SORCS3: variants seen among roughly 807,000 people sequenced by gnomAD.
SORCS3 encodes the protein VPS10 domain-containing receptor SorCS3.
A neutral mutation model predicts 146.3 loss-of-function variants in SORCS3; 57 were observed. The observed-to-expected ratio is 0.39, with a 90% CI of 0.31 to 0.49. The LOEUF is 0.49. Ranked by LOEUF, SORCS3 falls within the 20% of genes least tolerant of loss-of-function variation. The pLI is 0.92. For missense variants in SORCS3, 1,341 were observed against 1,575.5 expected (o/e 0.85, Z 2.52); for synonymous variants, 653 against 618.5 (o/e 1.06, Z -0.83).
intron 2 of SORCS3, among the ~76,000 whole-genome samples, chr10:104,882,975 A>G (rs549400070): frequency 6.6e-6 from 1 of 152,234 alleles, no homozygotes; most frequent in Non-Finnish European, 1.5e-5. Flanking sequence ...GGAGACTAAC[A>G]TTATGGAATC....
chr10:104,805,075 A>T (rs185287367), intron 1 of SORCS3, among the ~76,000 whole-genome samples: 1 of 152,206 alleles, frequency 6.6e-6, no homozygotes, highest in Non-Finnish European at 1.5e-5. Flanking sequence ...CTCACACATA[A>T]TGAACACCCA....
intron 4 of SORCS3, among the ~76,000 whole-genome samples, chr10:104,992,911 G>GT (rs796300866): frequency 9.6e-4 from 144 of 149,450 alleles, no homozygotes; most frequent in African/African-American, 3.0e-3. Flanking sequence ...TATTAGGTAT[G>GT]TTTTTTTTTT....
chr10:104,739,976 T>A (rs189366404), intron 1 of SORCS3, among the ~76,000 whole-genome samples: 8 of 152,344 alleles, frequency 5.3e-5, no homozygotes, highest in Admixed American at 5.2e-4. Flanking sequence ...AGATATGGTA[T>A]GTTTAATGGT....
At chr10:105,226,149 G>A (rs2056732799) in intron 20 of SORCS3, among the ~76,000 whole-genome samples, 1 of 151,974 alleles carries the variant, frequency 6.6e-6, no homozygotes, top group African/African-American at 2.4e-5. Flanking sequence ...GGCTTTAAAG[G>A]AAAGGCTTTC....
chr10:104,998,384 G>T (rs1332756428), intron 4 of SORCS3, among the ~76,000 whole-genome samples: 1 of 152,078 alleles, frequency 6.6e-6, no homozygotes, highest in East Asian at 1.9e-4. Context: ...AAATTATACA[G>T]ATGTGCTAAG....
At chr10:104,992,805 C>T (rs2055002532) in intron 4 of SORCS3, among the ~76,000 whole-genome samples, 1 of 152,144 alleles carries the variant, frequency 6.6e-6, no homozygotes, top group Non-Finnish European at 1.5e-5. Context: ...CTGGAGAAAG[C>T]TTTGCCTAGA....
chr10:104,750,343 C>T (rs540061675), intron 1 of SORCS3, among the ~76,000 whole-genome samples: 39 of 152,272 alleles, frequency 2.6e-4, no homozygotes, highest in Non-Finnish European at 5.0e-4. Context: ...TGAACAACTT[C>T]CTTGTGGTAT....
intron 3 of SORCS3, among the ~76,000 whole-genome samples, chr10:104,940,819 A>G (rs948750686): frequency 3.9e-5 from 6 of 152,184 alleles, no homozygotes; most frequent in Admixed American, 2.0e-4. Context: ...TGCCCAAGGT[A>G]ATTTATAGAT....
intron 5 of SORCS3, among the ~76,000 whole-genome samples, chr10:105,063,593 A>G (rs73342299): frequency 0.059 from 8,978 of 152,310 alleles, 288 homozygotes; most frequent in Middle Eastern, 0.088. Flanking sequence ...ACACCTATTT[A>G]CATTTGTTGC....
chr10:105,016,134 A>AATATATATAT (rs1355412638), intron 4 of SORCS3, among the ~76,000 whole-genome samples: 33 of 113,670 alleles, frequency 2.9e-4, no homozygotes, highest in African/African-American at 7.0e-4. Flanking sequence ...ATATTATATA[A>AATATATATAT]ATATATATAT....
At chr10:104,766,518 G>A (rs1422571840) in intron 1 of SORCS3, among the ~76,000 whole-genome samples, 2 of 152,222 alleles carry the variant, frequency 1.3e-5, no homozygotes, top group Admixed American at 6.5e-5. Flanking sequence ...GTTCACTCTT[G>A]TATCGCAGGC....
chr10:104,775,582 T>C (rs1431486646), intron 1 of SORCS3, among the ~76,000 whole-genome samples: 4 of 152,192 alleles, frequency 2.6e-5, no homozygotes, highest in Non-Finnish European at 5.9e-5. Flanking sequence ...TGTGCTCCTG[T>C]TGACAATCAG....
chr10:104,661,059 G>C (rs1173718936), intron 1 of SORCS3, among the ~76,000 whole-genome samples: 1 of 152,076 alleles, frequency 6.6e-6, no homozygotes, highest in Non-Finnish European at 1.5e-5. Flanking sequence ...CATTTTTACT[G>C]CTACAACTCA....
At chr10:105,128,175 A>G (rs764860292) in intron 7 of SORCS3, among the ~76,000 whole-genome samples, 1 of 152,170 alleles carries the variant, frequency 6.6e-6, no homozygotes, top group Non-Finnish European at 1.5e-5. Context: ...CTGGCCCTCC[A>G]ACAATGTTGC....
rs143534934 is a variant in SORCS3, at chr10:104,770,530, G to A, written c.628-72262G>A. On this transcript the variant is annotated intron_variant, in intron 1 of 26. Transcript: ENST00000369701. ...AGCTTTCTAGTCATCACATTAAAGT[G>A]AAAAGAACACTGGGCATAGGGGTTC... is the stretch of plus-strand genomic sequence containing the variant. 6.0e-4 allele frequency among the ~76,000 whole-genome samples: 91 copies of A among 152,150 alleles called. No individual in the cohort carries two copies. The East Asian group carries it at 0.015, about 25-fold the overall frequency.
At chr10:104,809,062 G>A (rs767701694) in intron 1 of SORCS3, among the ~76,000 whole-genome samples, 5 of 152,160 alleles carry the variant, frequency 3.3e-5, no homozygotes, top group Non-Finnish European at 5.9e-5. Flanking sequence ...GGATAGTTAC[G>A]CCATTCACAG....
At chr10:105,046,455 T>C (rs1476076189) in intron 5 of SORCS3, among the ~76,000 whole-genome samples, 1 of 152,056 alleles carries the variant, frequency 6.6e-6, no homozygotes, top group Non-Finnish European at 1.5e-5. Flanking sequence ...GACACTGTGC[T>C]CCAGAAGTGA....
intron 4 of SORCS3, among the ~76,000 whole-genome samples, chr10:105,024,759 A>G (rs1437739180): frequency 6.6e-6 from 1 of 152,168 alleles, no homozygotes; most frequent in African/African-American, 2.4e-5. Context: ...TTTATATATA[A>G]ATGTATGCAT....
chr10:105,088,135 G>A (rs942126757), intron 5 of SORCS3, among the ~76,000 whole-genome samples: 4 of 152,194 alleles, frequency 2.6e-5, no homozygotes, highest in African/African-American at 4.8e-5. Flanking sequence ...GGATAAGGAC[G>A]TTGGAGCTCT....
Sources: gnomAD v4.1 joint callset for allele counts (sites outside exome capture counted in the v4.1 genomes callset) on GRCh38, gnomAD v4.1.1 for gene constraint, MANE v1.5 for transcripts, NCBI Gene and HGNC (gene_info 2026-07-23, HGNC 2026-07-21) for gene names.